TMCO5A: variants seen among roughly 807,000 people sequenced by gnomAD.
TMCO5A encodes the protein transmembrane and coiled-coil domains 5A.
A neutral mutation model predicts 42.3 loss-of-function variants in TMCO5A; 34 were observed. That is an observed-to-expected ratio of 0.80 (90% CI 0.61 to 1.07). The LOEUF (loss-of-function observed/expected upper bound fraction) is 1.07. Among genes scored for constraint, TMCO5A ranks in the 50% least tolerant of loss-of-function variants. TMCO5A has a pLI of 0.00. For missense variants in TMCO5A, 357 were observed against 327.9 expected (o/e 1.09, Z -0.69); for synonymous variants, 131 against 115.6 (o/e 1.13, Z -0.86).
At chr15:38,023,178 C>T in the TMCO5A span, among the ~76,000 whole-genome samples, 1 of 151,982 alleles carries the variant, frequency 6.6e-6, no homozygotes. Context: ...GGCACAGTAA[C>T]AAAAATAGAC....
intron 10 of TMCO5A, 53 bp from the exon 11 acceptor site, chr15:37,947,603 A>G (rs1303340095): frequency 1.2e-5 from 14 of 1,165,166 alleles, no homozygotes; most frequent in Non-Finnish European, 1.8e-5. Context: ...TTATTGGATG[A>G]TGATAATAGC....
chr15:37,938,372 T>A, intron 6 of TMCO5A, 143 bp downstream of exon 6: 1 of 661,982 alleles, frequency 1.5e-6, no homozygotes, highest in Non-Finnish European at 2.6e-6. Context: ...ACTGGAGTGC[T>A]GAATTCTTCT....
chr15:37,956,762 C>T (rs1348038295), intron 11 of TMCO5A: 2 of 152,182 alleles, frequency 1.3e-5, no homozygotes, highest in African/African-American at 4.8e-5. Flanking sequence ...TATCCTGATA[C>T]CAAAACCTAG....
chr15:38,030,714 GA>G, the TMCO5A span, among the ~76,000 whole-genome samples: 1 of 152,132 alleles, frequency 6.6e-6, no homozygotes, highest in African/African-American at 2.4e-5. Flanking sequence ...CTGCACTCCA[GA>G]AATGTTGAAC....
rs200182373 is a variant in TMCO5A, at chr15:37,938,244, C to A, written c.387+15C>A. On this transcript the variant is annotated intron_variant, in intron 6 of 11. Coordinates refer to ENST00000319669, the MANE Select transcript of TMCO5A (RefSeq NM_152453.4). ...AAGAGACAAAGGTAAATGAAAAAAACAATCCTAAATGTGGTTGGGCTATGT... is the reference window on the plus strand; with the variant it reads ...AAGAGACAAAGGTAAATGAAAAAAAAAATCCTAAATGTGGTTGGGCTATGT... The A allele has an allele frequency of 6.6e-7, 1 of 1,519,674 alleles. No homozygotes were observed. 94.1% of individuals were successfully genotyped at this position (1,519,674 alleles called of 1,614,324 possible). A position where few individuals can be genotyped will look rare whatever the true frequency, so the allele number is the denominator to read the frequency against.
chr15:37,937,275 G>A, intron 4 of TMCO5A, 71 bp from the exon 5 acceptor site: 1 of 1,543,924 alleles, frequency 6.5e-7, no homozygotes, highest in Non-Finnish European at 8.9e-7. Context: ...GGGGTGAAAT[G>A]GACAGCAATC....
chr15:37,941,820 A>G, intron 8 of TMCO5A, 90 bp downstream of exon 8: 1 of 1,123,946 alleles, frequency 8.9e-7, no homozygotes, highest in Non-Finnish European at 1.3e-6. Flanking sequence ...TGTCCAGAGC[A>G]ATTTCAACAG....
In TMCO5A at chr15:37,966,593, T is replaced by TGG. The variant is rs1566925365; in HGVS notation, c.669-30_669-29dup. ...AGCAAGAAACCTCAAAACAATGTCT[T>TGG]GGGACATCATTTCTTTTTCTTCTCT... On this transcript the variant is annotated intron_variant, in intron 11 of 11. Transcript: ENST00000559502. 3 of 702,898 alleles carry TGG rather than the reference T, an allele frequency of 4.3e-6. No homozygotes were observed. The South Asian group carries it at 4.4e-5, about 10-fold the overall frequency. The allele number at this position is 702,898 out of a possible 1,614,324, so 43.5% of individuals were successfully genotyped here.
At chr15:37,952,862 T>G (rs78601548), downstream of TMCO5A, among the ~76,000 whole-genome samples, 2,140 of 152,286 alleles carry the variant, frequency 0.014, 60 homozygotes, top group African/African-American at 0.049. Flanking sequence ...CCAGGCAGCA[T>G]TCACTACAAG....
chr15:37,987,510 C>T, the TMCO5A span, among the ~76,000 whole-genome samples: 6 of 151,772 alleles, frequency 4.0e-5, no homozygotes, highest in Non-Finnish European at 8.8e-5. Context: ...TATGTTTAGG[C>T]TTTTGATCCA....
At chr15:38,001,794 A>T in the TMCO5A span, among the ~76,000 whole-genome samples, 1 of 152,130 alleles carries the variant, frequency 6.6e-6, no homozygotes, top group East Asian at 1.9e-4. Flanking sequence ...AGAGAGAAGT[A>T]ATACAAACTC....
downstream of TMCO5A, among the ~76,000 whole-genome samples, chr15:37,968,817 G>A (rs760472295): frequency 6.6e-6 from 1 of 151,828 alleles, no homozygotes; most frequent in East Asian, 1.9e-4. Flanking sequence ...TCCTGACCTC[G>A]TGATCTGCCC....
At chr15:37,969,923 T>C (rs1371214821), downstream of TMCO5A, among the ~76,000 whole-genome samples, 1 of 152,226 alleles carries the variant, frequency 6.6e-6, no homozygotes, top group Non-Finnish European at 1.5e-5. Flanking sequence ...CTGTCTACCA[T>C]TGATGGGCAT....
At chr15:37,940,294 C>A (rs529107233) in intron 6 of TMCO5A, among the ~76,000 whole-genome samples, 1 of 152,166 alleles carries the variant, frequency 6.6e-6, no homozygotes, top group African/African-American at 2.4e-5. Context: ...CCTTATCCCA[C>A]CCTGTCTCGG....
At chr15:37,970,681 G>A (rs989696440), downstream of TMCO5A, among the ~76,000 whole-genome samples, 1 of 152,156 alleles carries the variant, frequency 6.6e-6, no homozygotes, top group East Asian at 1.9e-4. Flanking sequence ...AGAGACAATG[G>A]GGATACAGGT....
At chr15:37,977,770 T>C in the TMCO5A span, among the ~76,000 whole-genome samples, 1 of 152,330 alleles carries the variant, frequency 6.6e-6, no homozygotes, top group South Asian at 2.1e-4. Flanking sequence ...GCAGTGGCAA[T>C]GGCAAAAGGT....
the TMCO5A span, among the ~76,000 whole-genome samples, chr15:38,027,920 C>T: frequency 6.6e-6 from 1 of 152,116 alleles, no homozygotes; most frequent in African/African-American, 2.4e-5. Flanking sequence ...AAGGCCTCCC[C>T]AGACATGTGG....
chr15:37,959,880 G>T (rs1281984710), intron 11 of TMCO5A, among the ~76,000 whole-genome samples: 1 of 151,682 alleles, frequency 6.6e-6, no homozygotes, highest in Non-Finnish European at 1.5e-5. Context: ...AAAGAAAGAA[G>T]TCAAATTCTG....
At chr15:38,035,357 A>G in the TMCO5A span, among the ~76,000 whole-genome samples, 7 of 152,196 alleles carry the variant, frequency 4.6e-5, no homozygotes, top group Non-Finnish European at 8.8e-5. Context: ...AGGCTTATAT[A>G]TGCCTAAACT....
Sources: allele counts gnomAD v4.1 joint callset (sites outside exome capture counted in the v4.1 genomes callset), GRCh38; gene constraint gnomAD v4.1.1; transcripts MANE v1.5; gene names NCBI Gene and HGNC (gene_info 2026-07-23, HGNC 2026-07-21).